GLDN: variants seen among roughly 807,000 people sequenced by gnomAD.
GLDN encodes gliomedin.
A neutral mutation model predicts 56.5 loss-of-function variants in GLDN; 47 were observed. The ratio of observed to expected loss-of-function variants is 0.83; its 90% CI spans 0.66 to 1.06. The LOEUF is 1.06. Among genes scored for constraint, GLDN ranks in the 50% least tolerant of loss-of-function variants. The pLI is 0.00. For synonymous variants in GLDN, 332 were observed against 278.8 expected (o/e 1.19, Z -1.90); for missense variants, 782 against 714.3 (o/e 1.09, Z -1.08).
At chr15:51,400,587 G>A (rs569076676) in intron 8 of GLDN, 89 bp downstream of exon 8, 2 of 1,358,622 alleles carry the variant, frequency 1.5e-6, no homozygotes, top group African/African-American at 2.9e-5. Context: ...ATTTGTGTGT[G>A]TCTGAAATCC....
downstream of GLDN, among the ~76,000 whole-genome samples, chr15:51,411,412 A>T (rs987159869): frequency 6.6e-6 from 1 of 152,248 alleles, no homozygotes; most frequent in African/African-American, 2.4e-5. Context: ...ATGGGATAAG[A>T]TGTCTGTGTT....
At chr15:51,357,415 C>T (rs994944513) in intron 1 of GLDN, among the ~76,000 whole-genome samples, 4 of 152,200 alleles carry the variant, frequency 2.6e-5, no homozygotes, top group Non-Finnish European at 5.9e-5. Flanking sequence ...TAACACTGGA[C>T]CCCTTTCACT....
At chr15:51,346,399 A>C (rs769861832) in intron 1 of GLDN, among the ~76,000 whole-genome samples, 1 of 152,248 alleles carries the variant, frequency 6.6e-6, no homozygotes, top group Non-Finnish European at 1.5e-5. Flanking sequence ...AATTTAGTAC[A>C]TGATAAAGAC....
chr15:51,354,689 G>T (rs1308106779), intron 1 of GLDN, among the ~76,000 whole-genome samples: 2 of 152,194 alleles, frequency 1.3e-5, no homozygotes, highest in African/African-American at 4.8e-5. Flanking sequence ...GTTTGGAGTA[G>T]GGAGAAGGGA....
chr15:51,371,094 C>T (rs186113093), intron 1 of GLDN, among the ~76,000 whole-genome samples: 4 of 152,086 alleles, frequency 2.6e-5, no homozygotes, highest in African/African-American at 9.7e-5. Flanking sequence ...ATGAACCTCC[C>T]AGCTTTTTTG....
rs74016741 is a variant in GLDN at position 51,389,198 on chromosome 15, A to G, written c.541+5306A>G. 1.4e-3 allele frequency among the ~76,000 whole-genome samples: 216 copies of G among 152,320 alleles called. 1 individual carries two copies. The highest frequency in any genetic ancestry group is 4.8e-3 in the African/African-American group (198 of 41,570). ...CAACTCTAATATGGTTTCTGGTTTTAAATACTCCACTATAGTGTTGGTCAA... is the reference window on the plus strand; with the variant it reads ...CAACTCTAATATGGTTTCTGGTTTTGAATACTCCACTATAGTGTTGGTCAA... On this transcript the variant is annotated intron_variant, in intron 4 of 9. Transcript: ENST00000335449.
chr15:51,373,398 G>A (rs1033555273), intron 1 of GLDN, among the ~76,000 whole-genome samples: 9 of 152,130 alleles, frequency 5.9e-5, no homozygotes, highest in Admixed American at 1.3e-4. Flanking sequence ...GTTTGGTTGC[G>A]GATGCAGAAC....
chr15:51,373,312 G>C (rs1320703345), intron 1 of GLDN, among the ~76,000 whole-genome samples: 1 of 152,190 alleles, frequency 6.6e-6, no homozygotes, highest in African/African-American at 2.4e-5. Flanking sequence ...TGGTCTTGTG[G>C]AACCCAAGTA....
intron 1 of GLDN, among the ~76,000 whole-genome samples, chr15:51,373,735 T>C (rs1183331059): frequency 6.6e-6 from 1 of 152,152 alleles, no homozygotes; most frequent in Non-Finnish European, 1.5e-5. Flanking sequence ...CACTGGGAGA[T>C]GCCCTACAAG....
chr15:51,383,375 G>A, intron 2 of GLDN, 61 bp from the exon 3 acceptor site: 5 of 1,564,580 alleles, frequency 3.2e-6, no homozygotes, highest in Non-Finnish European at 3.5e-6. Flanking sequence ...GAAGGTCGGG[G>A]GTGCTCTTTG....
chr15:51,383,664 A>C lies in GLDN; in HGVS notation c.434-121A>C, dbSNP rs567630485. ...AGAGAAGGAAGGAAAGAAGTGGGAA[A>C]GGATGTGGAAAAGGAATTGATGCCT... On this transcript the variant is annotated intron_variant, in intron 3 of 9. Coordinates refer to ENST00000335449, the MANE Select transcript of GLDN (RefSeq NM_181789.4). The C allele has an allele frequency of 3.0e-5, 28 of 934,562 alleles. No homozygotes were observed. In the African/African-American group the frequency reaches 5.9e-4, roughly 20 times the overall value. 57.9% of individuals were successfully genotyped at this position (934,562 alleles called of 1,614,324 possible). A position where few individuals can be genotyped will look rare whatever the true frequency, so the allele number is the denominator to read the frequency against.
rs561263068 is a variant in GLDN, at chr15:51,388,499, G to A, written c.541+4607G>A. On this transcript the variant is annotated intron_variant, in intron 4 of 9. Coordinates refer to ENST00000335449, the MANE Select transcript of GLDN (RefSeq NM_181789.4). The stretch of plus-strand genomic sequence containing the variant: ...AATTACCCCATAGGGACTATTTGCT[G>A]TTGTGCTGATGGGCTGACTCCCCAA... 2.0e-5 allele frequency among the ~76,000 whole-genome samples: 3 copies of A among 152,278 alleles called. No individual in the cohort carries two copies. In the South Asian group the frequency reaches 6.2e-4, roughly 32 times the overall value.
At chr15:51,386,319 C>CGATGG (rs1319896798) in intron 4 of GLDN, among the ~76,000 whole-genome samples, 3 of 152,154 alleles carry the variant, frequency 2.0e-5, no homozygotes, top group Non-Finnish European at 2.9e-5. Flanking sequence ...GAGCCCAGCT[C>CGATGG]GATGGGATCG....
chr15:51,401,591 A>C lies in GLDN; in HGVS notation c.1028-2A>C. 1 of 1,612,356 alleles carries C rather than the reference A, an allele frequency of 6.2e-7. No individual in the cohort carries two copies. The highest frequency in any genetic ancestry group is 8.5e-7 in the Non-Finnish European group (1 of 1,179,078). The stretch of plus-strand genomic sequence containing the variant: ...AGCCTCTCCCTGGCTTCCCTCCTAC[A>C]GGCATCATGGTTAAGGAATTCAAGG... On this transcript the variant is annotated splice_acceptor_variant, in intron 8 of 9. Transcript: ENST00000335449. LOFTEE classifies it high-confidence loss of function.
At chr15:51,383,639 A>C in intron 3 of GLDN, 146 bp from the exon 4 acceptor site, 1 of 953,800 alleles carries the variant, frequency 1.0e-6, no homozygotes, top group African/African-American at 1.7e-5. Context: ...TGCTTCAGCC[A>C]GAGAAGGAAG....
intron 1 of GLDN, among the ~76,000 whole-genome samples, chr15:51,375,663 ACCTGCCACAGGTGGTCATCC>A (rs1271602808): frequency 6.6e-6 from 1 of 152,174 alleles, no homozygotes; most frequent in Non-Finnish European, 1.5e-5. Context: ...TGCAGTGACC[ACCTGCCACAGGTGGTCATCC>A]AGTGGGGAGT....
rs1181433184 is a variant in GLDN, at chr15:51,404,347, C to T, written c.1249C>T (p.Leu417Phe). 6.2e-7 allele frequency: 1 copy of T among 1,613,448 alleles called. No individual in the cohort carries two copies. Among genetic ancestry groups the T allele is most frequent in the Non-Finnish European group, 8.5e-7 (1 of 1,179,870 alleles). The part of the protein sequence containing the change: ...ENALYFDRKY[L>F]FANSKTYFNL... ...TGCCTTGTATTTTGATCGAAAATACCTTTTTGCAAATTCCAAAACTTACTT... is the reference window on the plus strand; with the variant it reads ...TGCCTTGTATTTTGATCGAAAATACTTTTTTGCAAATTCCAAAACTTACTT... The change falls in exon 10 of 10, where the codon CTT becomes TTT. Residue 417 changes from leucine to phenylalanine, a missense_variant. By Grantham distance (22) the Leu-to-Phe change is conservative (BLOSUM62 0). Transcript: ENST00000335449.
At chr15:51,394,638 A>G (rs2038086048) in intron 4 of GLDN, among the ~76,000 whole-genome samples, 197 bp from the exon 5 acceptor site, 1 of 151,028 alleles carries the variant, frequency 6.6e-6, no homozygotes, top group African/African-American at 2.5e-5. Context: ...AAATAAATAA[A>G]TAATCCAGCA....
At position 51,406,290 on chromosome 15, in the gene GLDN, T is replaced by C. The variant is rs560045035; in HGVS notation, c.*1536T>C. 1 of 86,254 alleles carries C rather than the reference T, an allele frequency of 1.2e-5. No individual in the cohort carries two copies. The highest frequency in any genetic ancestry group is 9.5e-5 in the Admixed American group (1 of 10,472). 5.3% of individuals were successfully genotyped at this position (86,254 alleles called of 1,614,324 possible). On this transcript the variant is annotated 3_prime_UTR_variant, in exon 10 of 10. Coordinates refer to ENST00000335449, the MANE Select transcript of GLDN (RefSeq NM_181789.4). ...CTGCCAACTCACTTCTTTAAACATC[T>C]TTCAGCCCAGCGCTGCGGCCCCGGG...
Sources: gnomAD v4.1 joint callset for allele counts (sites outside exome capture counted in the v4.1 genomes callset) on GRCh38, gnomAD v4.1.1 for gene constraint, MANE v1.5 for transcripts, NCBI Gene and HGNC (gene_info 2026-07-23, HGNC 2026-07-21) for gene names.